GAS6: variants seen among roughly 807,000 people sequenced by gnomAD.
GAS6 encodes growth arrest specific 6.
In GAS6, 41 loss-of-function variants were observed where a neutral mutation model predicts 75.8. The ratio of observed to expected loss-of-function variants is 0.54; its 90% CI spans 0.42 to 0.70. The LOEUF is 0.70. Ranked by LOEUF, GAS6 falls within the 30% of genes least tolerant of loss-of-function variation. The pLI, the probability that GAS6 is intolerant of heterozygous loss-of-function variation, is 0.00. For synonymous variants in GAS6, 432 were observed against 412.6 expected (o/e 1.05, Z -0.57); for missense variants, 854 against 940.2 (o/e 0.91, Z 1.20).
intron 4 of GAS6, chr13:113,842,309 T>C (rs1262161014): frequency 3.2e-6 from 1 of 310,190 alleles, no homozygotes; most frequent in Non-Finnish European, 5.7e-6. Flanking sequence ...AGCTCGCGTC[T>C]CGAAGTGTTT....
rs1019722973 is a variant in GAS6 at position 113,844,620 on chromosome 13, G to A, written c.343+1907C>T. 1 of 150,320 alleles carries A rather than the reference G, an allele frequency of 6.7e-6. No homozygotes were observed. Among genetic ancestry groups the A allele is most frequent in the Non-Finnish European group, 1.5e-5 (1 of 67,996 alleles). The allele number at this position is 150,320 out of a possible 1,614,324, so 9.3% of individuals were successfully genotyped here. On this transcript the variant is annotated intron_variant, in intron 4 of 14. Transcript: ENST00000327773. The surrounding 1 kb of genome is among the most constrained non-coding windows in gnomAD (Gnocchi z 5.7). Reference sequence around the variant, plus strand: ...TTAGGTTTTTAAGAATATTTTTAAGGTTTAGTTTTATTAAAAAATAAGCAA... The same window carrying A: ...TTAGGTTTTTAAGAATATTTTTAAGATTTAGTTTTATTAAAAAATAAGCAA...
chr13:113,860,178 G>A (rs1003745552), intron 2 of GAS6, among the ~76,000 whole-genome samples: 1 of 152,220 alleles, frequency 6.6e-6, no homozygotes, highest in Non-Finnish European at 1.5e-5. Flanking sequence ...AAGAGATGGG[G>A]GAAGGGAAAC....
rs532092927 is a variant in GAS6, at chr13:113,828,485, T to G, written c.1308+62A>C. 97 of 1,547,852 alleles carry G rather than the reference T, an allele frequency of 6.3e-5. 1 individual carries two copies. In the Admixed American group the frequency reaches 1.7e-3, roughly 27 times the overall value. On this transcript the variant is annotated intron_variant, in intron 11 of 14. Transcript: ENST00000327773. The stretch of plus-strand genomic sequence containing the variant: ...AGGGCAGGGTGTGACTGAGGCTTCC[T>G]GACACCGTTCCCGGGATCCCAGCAC...
In GAS6 at chr13:113,850,718, G is replaced by A. The variant is rs138991400; in HGVS notation, c.256-2668C>T. ...TGACAGATGGACAGTGGATGAGTGC[G>A]TGAAAGAATGGATGGGTGAATAAAT... is the stretch of plus-strand genomic sequence containing the variant. On this transcript the variant is annotated intron_variant, in intron 2 of 14. Coordinates refer to ENST00000327773, the MANE Select transcript of GAS6 (RefSeq NM_000820.4). 3.3e-4 allele frequency among the ~76,000 whole-genome samples: 50 copies of A among 152,334 alleles called. No individual in the cohort carries two copies. The East Asian group carries it at 6.4e-3, about 19-fold the overall frequency.
chr13:113,829,179 T>A (rs1594192664), intron 10 of GAS6, among the ~76,000 whole-genome samples: 3 of 80,804 alleles, frequency 3.7e-5, no homozygotes, highest in East Asian at 3.6e-4. Flanking sequence ...GCCAAGAGGG[T>A]CCCGATCTCA....
rs1237581081 is a variant in GAS6 at position 113,823,419 on chromosome 13, C to G, written c.1609G>C (p.Val537Leu). Residue 537 changes from valine to leucine, a missense_variant, in exon 13 of 15, where the codon GTG (valine) becomes CTG (leucine). Coordinates refer to ENST00000327773, the MANE Select transcript of GAS6 (RefSeq NM_000820.4). ...GTGGAGTGATAGTCTACCAGTGCCACAGAGAGAGGCACGGCACGGAGGTCG... is the reference window on the plus strand; with the variant it reads ...GTGGAGTGATAGTCTACCAGTGCCAGAGAGAGAGGCACGGCACGGAGGTCG... Reference protein sequence around the residue: ...APDLRAVPLSVALVDYHSTKK... With the variant: ...APDLRAVPLSLALVDYHSTKK... 3 of 1,612,534 alleles carry G rather than the reference C, an allele frequency of 1.9e-6. No individual in the cohort carries two copies. The highest frequency in any genetic ancestry group is 1.1e-5 in the South Asian group (1 of 91,044).
At chr13:113,838,847 A>T (rs938393995) in intron 5 of GAS6, among the ~76,000 whole-genome samples, 18 of 151,470 alleles carry the variant, frequency 1.2e-4, no homozygotes, top group Non-Finnish European at 4.4e-5. Context: ...CCAGCCCCCG[A>T]GCAGAGAGAG....
chr13:113,843,238 G>C (rs1193342615), intron 4 of GAS6: 2 of 188,184 alleles, frequency 1.1e-5, no homozygotes, highest in Non-Finnish European at 2.1e-5. Context: ...TGGCCTGGCT[G>C]GTCATGCCCT....
chr13:113,840,912 A>C (rs116740537), intron 4 of GAS6: 1 of 152,250 alleles, frequency 6.6e-6, no homozygotes, highest in Non-Finnish European at 1.5e-5. Context: ...AAGTTCAATA[A>C]GGACCAGTCC....
Position 113,835,619 on chromosome 13 carries a change from T to G in GAS6, c.606A>C (p.Ala202=). The G allele has an allele frequency of 6.2e-7, 1 of 1,611,962 alleles. No homozygotes were observed. Among genetic ancestry groups the G allele is most frequent in the Non-Finnish European group, 8.5e-7 (1 of 1,179,792 alleles). The part of the protein sequence containing the change: ...GRTCQDIDEC[A]DSEACGEARC... ...GCGCCTCCCCGCAGGCCTCCGAGTCTGCGCACTCGTCTATGTCTGCAAGCA... is the reference window on the plus strand; with the variant it reads ...GCGCCTCCCCGCAGGCCTCCGAGTCGGCGCACTCGTCTATGTCTGCAAGCA... The change falls in exon 7 of 15, where the codon GCA becomes GCC. Residue 202 remains alanine, a synonymous_variant. Transcript: ENST00000327773.
At chr13:113,839,659 T>TGAGGAGC in intron 5 of GAS6, 69 bp downstream of exon 5, 3 of 1,571,758 alleles carry the variant, frequency 1.9e-6, no homozygotes, top group Non-Finnish European at 2.6e-6. Flanking sequence ...GGAGTGGGAG[T>TGAGGAGC]GAGGAGCGGG....
chr13:113,838,403 G>A (rs964789389), intron 5 of GAS6, among the ~76,000 whole-genome samples: 1 of 140,506 alleles, frequency 7.1e-6, no homozygotes, highest in South Asian at 2.3e-4. Context: ...TAGCCCCGGA[G>A]CAGGAGGAAG....
intron 13 of GAS6, chr13:113,823,036 T>G: frequency 4.6e-6 from 1 of 217,368 alleles, no homozygotes; most frequent in Non-Finnish European, 9.0e-6. Context: ...AAAACTGAGT[T>G]TGTTGCTGAA....
chr13:113,826,540 C>T (rs1262311095), intron 12 of GAS6, among the ~76,000 whole-genome samples: 29 of 57,178 alleles, frequency 5.1e-4, no homozygotes, highest in African/African-American at 2.1e-3. Context: ...CTCCCGGCGC[C>T]GGCCTCGCAG....
Position 113,820,804 on chromosome 13 carries a change from C to T in GAS6, c.*60G>A. 1.3e-6 allele frequency: 2 copies of T among 1,552,642 alleles called. No individual in the cohort carries two copies. The stretch of plus-strand genomic sequence containing the variant: ...CATGGCCCCACGTGGTGAGGAGCCC[C>T]CAGGCTCCTCCCGGCTGTCTCGGAC... On this transcript the variant is annotated 3_prime_UTR_variant, in exon 15 of 15. Coordinates refer to ENST00000327773, the MANE Select transcript of GAS6 (RefSeq NM_000820.4).
chr13:113,842,023 T>A (rs1266626165), intron 4 of GAS6: 4 of 126,504 alleles, frequency 3.2e-5, no homozygotes, highest in African/African-American at 1.2e-4. Flanking sequence ...GTTTCCTCCA[T>A]ACGCCCCAGT....
At chr13:113,859,541 A>AGT (rs375607420) in intron 2 of GAS6, among the ~76,000 whole-genome samples, 2 of 139,956 alleles carry the variant, frequency 1.4e-5, no homozygotes, top group African/African-American at 2.7e-5. Context: ...CATGTCTGTC[A>AGT]GTGTGTGTGT....
Position 113,863,909 on chromosome 13 carries a change from C to G in GAS6, c.12G>C (p.Ser4=), listed in dbSNP as rs1339705733. MAP[S]LSPGPAALRR... ...GCAGGGCGGCGGGCCCGGGCGAGAG[C>G]GAAGGGGCCATGGCGGGCCGGGGAC... Residue 4 remains serine (S), a synonymous_variant, in exon 1 of 15, where the codon TCG becomes TCC. Coordinates refer to ENST00000327773, the MANE Select transcript of GAS6 (RefSeq NM_000820.4). This position sits in a 1 kb window ranked among gnomAD's most constrained non-coding sequence, Gnocchi z 9.4. The G allele has an allele frequency of 2.6e-6, 3 of 1,173,846 alleles. No individual in the cohort carries two copies. Among genetic ancestry groups the G allele is most frequent in the Non-Finnish European group, 3.1e-6 (3 of 952,644 alleles). 72.7% of individuals were successfully genotyped at this position (1,173,846 alleles called of 1,614,324 possible).
At chr13:113,839,033 G>A (rs912498336) in intron 5 of GAS6, 1 of 165,220 alleles carries the variant, frequency 6.1e-6, no homozygotes. Context: ...GGGAGCTGCT[G>A]GCAGTCACAG....
Sources: allele counts gnomAD v4.1 joint callset (sites outside exome capture counted in the v4.1 genomes callset), GRCh38; gene constraint gnomAD v4.1.1; non-coding constraint Gnocchi (gnomAD v3.1); transcripts MANE v1.5; gene names NCBI Gene and HGNC (gene_info 2026-07-23, HGNC 2026-07-21).